Variants in KCNC1 observed in about 807,000 individuals in gnomAD.
KCNC1 encodes the protein voltage-gated potassium channel KCNC1.
Under a neutral mutation model 43.4 loss-of-function variants are expected in KCNC1, and 8 were observed. The observed-to-expected ratio is 0.18, with a 90% CI of 0.11 to 0.33. The LOEUF (loss-of-function observed/expected upper bound fraction) is 0.33. Among genes scored for constraint, KCNC1 ranks in the 10% least tolerant of loss-of-function variants. The pLI is 1.00. For missense variants in KCNC1, 420 were observed against 836.0 expected (o/e 0.50, Z 6.14); for synonymous variants, 361 against 360.5 (o/e 1.00, Z -0.01).
rs143421991 is a variant in KCNC1, at chr11:17,739,781, G to C, written c.570+3209G>C. ...TGACAGACTGTATGTGAAGGTGTGT[G>C]TAAGACAGAGATTGTGTGTGAAATC... On this transcript the variant is annotated intron_variant, in intron 1 of 3. Transcript: ENST00000265969. This position sits in a 1 kb window ranked among gnomAD's most constrained non-coding sequence, Gnocchi z 4.2. 2.2e-4 allele frequency among the ~76,000 whole-genome samples: 34 copies of C among 152,066 alleles called. No individual in the cohort carries two copies. The highest frequency in any genetic ancestry group is 3.4e-3 in the Middle Eastern group (1 of 294).
At chr11:17,750,149 T>C (rs1404651069) in intron 1 of KCNC1, among the ~76,000 whole-genome samples, 1 of 152,198 alleles carries the variant, frequency 6.6e-6, no homozygotes, top group Non-Finnish European at 1.5e-5. Context: ...ATAGTTTGTA[T>C]TTCACAGGCT....
chr11:17,779,789 G>A lies in KCNC1; in HGVS notation c.1693+145G>A. 4 of 628,828 alleles carry A rather than the reference G, an allele frequency of 6.4e-6. No individual in the cohort carries two copies. Among genetic ancestry groups the A allele is most frequent in the Non-Finnish European group, 1.0e-5 (4 of 401,030 alleles). The allele number at this position is 628,828 out of a possible 1,614,324, so 39.0% of individuals were successfully genotyped here. ...GGATGGAGGGAATCTCCCAGGGTCG[G>A]CCCCTGGAGGGCTGAGGCCCTTCCC... On this transcript the variant is annotated intron_variant, in intron 3 of 3. Transcript: ENST00000265969. The surrounding 1 kb of genome is among the most constrained non-coding windows in gnomAD (Gnocchi z 7.2).
At chr11:17,747,023 G>C (rs764548305) in intron 1 of KCNC1, among the ~76,000 whole-genome samples, 7 of 152,178 alleles carry the variant, frequency 4.6e-5, no homozygotes, top group Non-Finnish European at 7.4e-5. Flanking sequence ...ACCAGCTCTC[G>C]GCCCTGCGAG....
In KCNC1 at chr11:17,781,561, T is replaced by C. The variant is rs1046051198; in HGVS notation, c.1694-109T>C. 73 of 766,388 alleles carry C rather than the reference T, an allele frequency of 9.5e-5. No individual in the cohort carries two copies. Among genetic ancestry groups the C allele is most frequent in the Non-Finnish European group, 1.5e-4 (66 of 454,752 alleles). 47.5% of individuals were successfully genotyped at this position (766,388 alleles called of 1,614,324 possible). Reference sequence around the variant, plus strand: ...AGCTGGAGAAGAATCTGCCTGCCTCTGCATGCGGCTGTTCTGTCTTTCCTC... The same window carrying C: ...AGCTGGAGAAGAATCTGCCTGCCTCCGCATGCGGCTGTTCTGTCTTTCCTC... On this transcript the variant is annotated intron_variant, in intron 3 of 3. Transcript: ENST00000265969. This position sits in a 1 kb window ranked among gnomAD's most constrained non-coding sequence, Gnocchi z 5.1.
chr11:17,778,516 T>C (rs1165615178), intron 2 of KCNC1, among the ~76,000 whole-genome samples: 1 of 152,250 alleles, frequency 6.6e-6, no homozygotes, highest in Non-Finnish European at 1.5e-5. Context: ...TACATCCTTG[T>C]TGTGCCTGTG....
chr11:17,745,804 T>TA (rs1848892432), intron 1 of KCNC1, among the ~76,000 whole-genome samples: 2 of 152,190 alleles, frequency 1.3e-5, no homozygotes, highest in Non-Finnish European at 2.9e-5. Flanking sequence ...TCCAGGTCTA[T>TA]ACTCAGACAT....
rs1309719255 is a variant in KCNC1 at position 17,772,351 on chromosome 11, G to A, written c.1257G>A (p.Leu419=). ...GGTCCGGCATGCTGGTGGGGGCTCT[G>A]TGTGCGCTGGCGGGCGTGCTCACCA... The part of the protein sequence containing the change: ...QTWSGMLVGA[L]CALAGVLTIA... Residue 419 remains leucine (L), a synonymous_variant, in exon 2 of 4, where the codon CTG becomes CTA. Transcript: ENST00000265969. 6.2e-7 allele frequency: 1 copy of A among 1,614,182 alleles called. No homozygotes were observed. The highest frequency in any genetic ancestry group is 1.7e-5 in the Admixed American group (1 of 60,034).
In KCNC1 at chr11:17,756,520, A is replaced by AACACACAC. The variant is rs3051818; in HGVS notation, c.571-15114_571-15107dup. Among the ~76,000 whole-genome samples, 1,232 of 143,972 alleles carry AACACACAC rather than the reference A, an allele frequency of 8.6e-3. 11 individuals are homozygous for AACACACAC. Among genetic ancestry groups the AACACACAC allele is most frequent in the Non-Finnish European group, 9.0e-3 (599 of 66,202 alleles). The allele number at this position is 143,972 out of a possible 152,430, so 94.5% of individuals were successfully genotyped here. ...AGCCATTTTTATTCCCTTCCCTCCA[A>AACACACAC]ACACACACACACACACACACACACA... On this transcript the variant is annotated intron_variant, in intron 1 of 3. Coordinates refer to ENST00000265969, the MANE Select transcript of KCNC1 (RefSeq NM_001112741.2).
At chr11:17,758,512 G>C (rs1849044707) in intron 1 of KCNC1, among the ~76,000 whole-genome samples, 1 of 152,172 alleles carries the variant, frequency 6.6e-6, no homozygotes, top group Admixed American at 6.5e-5. Context: ...ATTGATCAGA[G>C]GAATCAGTAT....
rs1354528673 is a variant in KCNC1, at chr11:17,773,886, G to A, written c.1504+1288G>A. ...TTTAGTCTATGAAGGACCTCCCCATGCCCAGGTCTGGCAGGAGGCTGCTGG... is the reference window on the plus strand; with the variant it reads ...TTTAGTCTATGAAGGACCTCCCCATACCCAGGTCTGGCAGGAGGCTGCTGG... On this transcript the variant is annotated intron_variant, in intron 2 of 3. Coordinates refer to ENST00000265969, the MANE Select transcript of KCNC1 (RefSeq NM_001112741.2). This position sits in a 1 kb window ranked among gnomAD's most constrained non-coding sequence, Gnocchi z 4.1. The A allele has an allele frequency of 1.2e-5, 12 of 985,342 alleles. No homozygotes were observed. The highest frequency in any genetic ancestry group is 1.4e-5 in the Non-Finnish European group (12 of 829,966). 61.0% of individuals were successfully genotyped at this position (985,342 alleles called of 1,614,324 possible). A position where few individuals can be genotyped will look rare whatever the true frequency, so the allele number is the denominator to read the frequency against.
Position 17,781,633 on chromosome 11 carries a change from G to C in KCNC1, c.1694-37G>C. ...CCAAGCGGGATGGGAGAGCCAAGAA[G>C]AGAAGCTCAAGTGTTAATTGTATTC... On this transcript the variant is annotated intron_variant, in intron 3 of 3. Coordinates refer to ENST00000265969, the MANE Select transcript of KCNC1 (RefSeq NM_001112741.2). This position sits in a 1 kb window ranked among gnomAD's most constrained non-coding sequence, Gnocchi z 5.1. The C allele has an allele frequency of 7.0e-7, 1 of 1,431,536 alleles. No homozygotes were observed. The highest frequency in any genetic ancestry group is 1.2e-5 in the South Asian group (1 of 80,878). The allele number at this position is 1,431,536 out of a possible 1,614,324, so 88.7% of individuals were successfully genotyped here. A position where few individuals can be genotyped will look rare whatever the true frequency, so the allele number is the denominator to read the frequency against.
intron 1 of KCNC1, among the ~76,000 whole-genome samples, chr11:17,770,821 C>T (rs1849217320): frequency 6.6e-6 from 1 of 152,140 alleles, no homozygotes; most frequent in South Asian, 2.1e-4. Context: ...ACTCACACCC[C>T]TACCCTAGGG....
rs966764567 is a variant in KCNC1, at chr11:17,776,404, G to A, written c.1505-3052G>A. ...CCCAACCCACCCCAGCCCCGCGTGC[G>A]CCCCTCCGGTGCCCGCAGCTGGTGT... On this transcript the variant is annotated intron_variant, in intron 2 of 3. Coordinates refer to ENST00000265969, the MANE Select transcript of KCNC1 (RefSeq NM_001112741.2). This position sits in a 1 kb window ranked among gnomAD's most constrained non-coding sequence, Gnocchi z 4.4. The A allele has an allele frequency of 1.7e-5, 17 of 985,272 alleles. No homozygotes were observed. Among genetic ancestry groups the A allele is most frequent in the African/African-American group, 1.0e-4 (6 of 57,228 alleles). The allele number at this position is 985,272 out of a possible 1,614,324, so 61.0% of individuals were successfully genotyped here. A position where few individuals can be genotyped will look rare whatever the true frequency, so the allele number is the denominator to read the frequency against.
In KCNC1 at chr11:17,739,112, C is replaced by G. The variant is rs868567856; in HGVS notation, c.570+2540C>G. On this transcript the variant is annotated intron_variant, in intron 1 of 3. Transcript: ENST00000265969. The surrounding 1 kb of genome is among the most constrained non-coding windows in gnomAD (Gnocchi z 4.2). ...CCAGCCGCCTGCCCGCCCTCCTCCCCCTCTGTCTTTGCTCTGCCGCCTCTG... is the reference window on the plus strand; with the variant it reads ...CCAGCCGCCTGCCCGCCCTCCTCCCGCTCTGTCTTTGCTCTGCCGCCTCTG... Among the ~76,000 whole-genome samples the G allele has an allele frequency of 3.3e-5, 5 of 152,196 alleles. No individual in the cohort carries two copies. The highest frequency in any genetic ancestry group is 7.2e-5 in the African/African-American group (3 of 41,458).
rs1168495386 is a variant in KCNC1, at chr11:17,742,895, T to C, written c.570+6323T>C. ...ACCTGGGCGTGCTGTTCTTCTCTTA[T>C]CTACTCCCATTAATTTCCTTCCTGG... On this transcript the variant is annotated intron_variant, in intron 1 of 3. Transcript: ENST00000265969. This position sits in a 1 kb window ranked among gnomAD's most constrained non-coding sequence, Gnocchi z 4.2. 1.3e-5 allele frequency among the ~76,000 whole-genome samples: 2 copies of C among 152,148 alleles called. No individual in the cohort carries two copies. Among genetic ancestry groups the C allele is most frequent in the African/African-American group, 2.4e-5 (1 of 41,414 alleles).
chr11:17,780,534 G>C (rs1849333985), intron 3 of KCNC1: 1 of 152,350 alleles, frequency 6.6e-6, no homozygotes, highest in Admixed American at 6.5e-5. Flanking sequence ...TGGTGCAGCA[G>C]ACTGGCTGGG....
At chr11:17,738,720 C>T (rs957291184) in intron 1 of KCNC1, among the ~76,000 whole-genome samples, 2 of 152,094 alleles carry the variant, frequency 1.3e-5, no homozygotes, top group Non-Finnish European at 2.9e-5. Context: ...TGTGCAAAAC[C>T]GTACAGAAAA....
At chr11:17,775,416 G>A in intron 2 of KCNC1, 1 of 985,600 alleles carries the variant, frequency 1.0e-6, no homozygotes, top group Non-Finnish European at 1.2e-6. Context: ...GTGTGCTGTG[G>A]CTGGCATGGC....
At chr11:17,740,153 C>T (rs1404555247) in intron 1 of KCNC1, among the ~76,000 whole-genome samples, 3 of 152,148 alleles carry the variant, frequency 2.0e-5, no homozygotes, top group Non-Finnish European at 4.4e-5. Flanking sequence ...CATCTGAGTT[C>T]CTGAGGGGCA....
Sources: allele counts gnomAD v4.1 joint callset (sites outside exome capture counted in the v4.1 genomes callset), GRCh38; gene constraint gnomAD v4.1.1; non-coding constraint Gnocchi (gnomAD v3.1); transcripts MANE v1.5; gene names NCBI Gene and HGNC (gene_info 2026-07-23, HGNC 2026-07-21).